The following FANCC variants were observed in gnomAD, a reference collection of about 807,000 sequenced individuals.
FANCC encodes the protein FA complementation group C, also known as Fanconi anemia group C protein.
In FANCC, 55 loss-of-function variants were observed where a neutral mutation model predicts 71.3. The ratio of observed to expected loss-of-function variants is 0.77; its 90% CI spans 0.62 to 0.97. The LOEUF (loss-of-function observed/expected upper bound fraction) is 0.97. Ranked by LOEUF, FANCC falls within the 50% of genes least tolerant of loss-of-function variation. FANCC has a pLI of 0.00. For synonymous variants in FANCC, 275 were observed against 244.9 expected, an observed-to-expected ratio of 1.12 and a Z score of -1.15; for missense variants, 678 against 670.9, an observed-to-expected ratio of 1.01 and a Z score of -0.12.
intron 1 of FANCC, among the ~76,000 whole-genome samples, chr9:95,289,658 A>T (rs1833891717): frequency 6.6e-6 from 1 of 152,108 alleles, no homozygotes; most frequent in Non-Finnish European, 1.5e-5. Flanking sequence ...ATGATATTTT[A>T]TTGACTGACT....
chr9:95,266,767 A>G (rs1238056020), intron 1 of FANCC, among the ~76,000 whole-genome samples: 1 of 152,250 alleles, frequency 6.6e-6, no homozygotes, highest in Admixed American at 6.5e-5. Context: ...TGCAAGCCTC[A>G]GACGGAGTTT....
At chr9:95,140,476 AAAAAC>A (rs3837275) in intron 7 of FANCC, among the ~76,000 whole-genome samples, 8,858 of 151,728 alleles carry the variant, frequency 0.058, 764 homozygotes, top group African/African-American at 0.19. Context: ...ATAGCTACAA[AAAAAC>A]AAAACAAAAC....
intron 4 of FANCC, among the ~76,000 whole-genome samples, chr9:95,213,876 G>GAGAA (rs1288316504): frequency 6.6e-6 from 1 of 152,156 alleles, no homozygotes; most frequent in East Asian, 1.9e-4. Flanking sequence ...CACAGAATGG[G>GAGAA]AGAAAATATT....
chr9:95,220,034 A>C (rs1042372548), intron 4 of FANCC, among the ~76,000 whole-genome samples: 6 of 152,216 alleles, frequency 3.9e-5, no homozygotes, highest in Admixed American at 2.0e-4. Flanking sequence ...AAAATCAAAC[A>C]ACCCCATCAA....
At chr9:95,216,859 C>G (rs896094416) in intron 4 of FANCC, among the ~76,000 whole-genome samples, 1 of 152,100 alleles carries the variant, frequency 6.6e-6, no homozygotes, top group African/African-American at 2.4e-5. Flanking sequence ...ACCCAGAAGT[C>G]CTATGTCTTC....
chr9:95,232,715 G>A (rs1830083412), intron 4 of FANCC, among the ~76,000 whole-genome samples: 1 of 152,114 alleles, frequency 6.6e-6, no homozygotes, highest in South Asian at 2.1e-4. Context: ...AGAAATTCGA[G>A]CATTTATGCC....
At chr9:95,273,964 T>C (rs1832888351) in intron 1 of FANCC, among the ~76,000 whole-genome samples, 1 of 152,206 alleles carries the variant, frequency 6.6e-6, no homozygotes, top group Non-Finnish European at 1.5e-5. Flanking sequence ...TTGTATCACT[T>C]TAGAATTTGT....
At chr9:95,250,658 G>A (rs1831272914) in intron 1 of FANCC, among the ~76,000 whole-genome samples, 1 of 152,202 alleles carries the variant, frequency 6.6e-6, no homozygotes, top group Non-Finnish European at 1.5e-5. Flanking sequence ...CCTCCTCATT[G>A]TCTTCCTCAT....
intron 10 of FANCC, among the ~76,000 whole-genome samples, chr9:95,120,916 C>T (rs560808566): frequency 1.3e-5 from 2 of 152,162 alleles, no homozygotes; most frequent in South Asian, 2.1e-4. Context: ...TTTTTTGGCA[C>T]CTTAAGTCAA....
intron 1 of FANCC, among the ~76,000 whole-genome samples, chr9:95,269,853 G>C (rs1194040643): frequency 2.6e-5 from 4 of 152,088 alleles, no homozygotes; most frequent in African/African-American, 9.7e-5. Flanking sequence ...AAGACACAGA[G>C]ACAAAGTATA....
intron 10 of FANCC, chr9:95,123,692 G>C (rs755486350): frequency 3.4e-5 from 23 of 675,296 alleles, no homozygotes; most frequent in Non-Finnish European, 4.7e-5. Context: ...TGAAGCGAGC[G>C]TCTTTGATGC....
At chr9:95,101,954 A>G (rs1411830502) in intron 14 of FANCC, 104 bp from the exon 15 acceptor site, 2 of 1,326,522 alleles carry the variant, frequency 1.5e-6, no homozygotes, top group Non-Finnish European at 2.1e-6. Context: ...AAGAAGCCCT[A>G]TCCAGCATTT....
chr9:95,309,096 T>G (rs952372077), intron 1 of FANCC, among the ~76,000 whole-genome samples: 1 of 152,214 alleles, frequency 6.6e-6, no homozygotes, highest in Non-Finnish European at 1.5e-5. Flanking sequence ...CCATTTCATA[T>G]AAAAATATTT....
chr9:95,129,168 T>C (rs1216829967), intron 8 of FANCC, among the ~76,000 whole-genome samples: 1 of 152,172 alleles, frequency 6.6e-6, no homozygotes, highest in Non-Finnish European at 1.5e-5. Context: ...TCTCCCTTGC[T>C]ACCCCTACAG....
chr9:95,204,105 G>A (rs895518906), intron 4 of FANCC, among the ~76,000 whole-genome samples: 3 of 152,212 alleles, frequency 2.0e-5, no homozygotes, highest in Non-Finnish European at 4.4e-5. Flanking sequence ...GACACGGTTA[G>A]TATATGCTAA....
rs573219444 is a variant in FANCC, at chr9:95,099,379, C to T, written c.*2328G>A. 100 of 227,868 alleles carry T rather than the reference C, an allele frequency of 4.4e-4. 1 individual carries two copies. The highest frequency in any genetic ancestry group is 2.0e-3 in the African/African-American group (90 of 44,764). The allele number at this position is 227,868 out of a possible 1,614,324, so 14.1% of individuals were successfully genotyped here. ...ACGCCTTGCCATCCCTGCCTCCCTGCGGCTGCCCCTGTGCCCAGGCCCCGC... is the reference window on the plus strand; with the variant it reads ...ACGCCTTGCCATCCCTGCCTCCCTGTGGCTGCCCCTGTGCCCAGGCCCCGC... On this transcript the variant is annotated 3_prime_UTR_variant, in exon 15 of 15. Transcript: ENST00000289081.
At chr9:95,303,071 T>C (rs1280190490) in intron 1 of FANCC, among the ~76,000 whole-genome samples, 1 of 152,202 alleles carries the variant, frequency 6.6e-6, no homozygotes, top group African/African-American at 2.4e-5. Context: ...GTATCTAGAA[T>C]ACGGTTGTAC....
chr9:95,261,234 CA>C (rs1832026419), intron 1 of FANCC, among the ~76,000 whole-genome samples: 1 of 152,222 alleles, frequency 6.6e-6, no homozygotes, highest in African/African-American at 2.4e-5. Flanking sequence ...CAACTTTTTT[CA>C]CAGATGTACT....
intron 7 of FANCC, among the ~76,000 whole-genome samples, chr9:95,148,265 C>A (rs113486029): frequency 0.013 from 1,980 of 152,216 alleles, 44 homozygotes; most frequent in African/African-American, 0.045. Flanking sequence ...TGCTTCATAA[C>A]AAAAAAAGAC....
Sources: gnomAD v4.1 joint callset for allele counts (sites outside exome capture counted in the v4.1 genomes callset) on GRCh38, gnomAD v4.1.1 for gene constraint, MANE v1.5 for transcripts, NCBI Gene and HGNC (gene_info 2026-07-23, HGNC 2026-07-21) for gene names.